DLG2: variants seen among roughly 807,000 people sequenced by gnomAD.
DLG2 encodes the protein discs large MAGUK scaffold protein 2.
In DLG2, 45 loss-of-function variants were observed where a neutral mutation model predicts 132.5. That is an observed-to-expected ratio of 0.34 (90% CI 0.27 to 0.44). DLG2 has a LOEUF of 0.44. Among genes scored for constraint, DLG2 ranks in the 20% least tolerant of loss-of-function variants. DLG2 has a pLI of 1.00. For synonymous variants in DLG2, 424 were observed against 419.6 expected, an observed-to-expected ratio of 1.01 and a Z score of -0.13; for missense variants, 1,045 against 1,196.9, an observed-to-expected ratio of 0.87 and a Z score of 1.87.
chr11:84,556,254 T>C lies in DLG2; in HGVS notation c.358-21523A>G, dbSNP rs145369310. Among the ~76,000 whole-genome samples, 195 of 152,266 alleles carry C rather than the reference T, an allele frequency of 1.3e-3. 1 individual carries two copies. Among genetic ancestry groups the C allele is most frequent in the African/African-American group, 4.3e-3 (178 of 41,568 alleles). ...TAAGCAACCATATCCAGCTTTGAGA[T>C]TGGGGCCTAGTGGACAGTGGGTATA... On this transcript the variant is annotated intron_variant, in intron 6 of 27. Coordinates refer to ENST00000376104, the MANE Select transcript of DLG2 (RefSeq NM_001142699.3).
intron 9 of DLG2, among the ~76,000 whole-genome samples, chr11:84,104,724 TTTAA>T (rs1247537569): frequency 5.3e-5 from 8 of 152,028 alleles, no homozygotes; most frequent in African/African-American, 1.9e-4. Context: ...AATTACTAAC[TTTAA>T]TTAATAATAG....
At chr11:85,077,216 A>T (rs1408496785) in intron 6 of DLG2, among the ~76,000 whole-genome samples, 1 of 152,038 alleles carries the variant, frequency 6.6e-6, no homozygotes, top group Non-Finnish European at 1.5e-5. Context: ...CATAAAAATG[A>T]TATGAAAAAA....
intron 7 of DLG2, among the ~76,000 whole-genome samples, chr11:84,530,999 C>T (rs1294050231): frequency 1.3e-5 from 2 of 152,034 alleles, no homozygotes; most frequent in African/African-American, 4.8e-5. Flanking sequence ...ATCTGTAGTC[C>T]CAGCTACTCA....
intron 16 of DLG2, among the ~76,000 whole-genome samples, chr11:83,854,698 T>G (rs2060248096): frequency 6.6e-6 from 1 of 152,132 alleles, no homozygotes; most frequent in South Asian, 2.1e-4. Flanking sequence ...AGATGACTGT[T>G]TGGATACAAC....
At chr11:85,107,881 C>T (rs1351395679) in intron 6 of DLG2, among the ~76,000 whole-genome samples, 1 of 127,324 alleles carries the variant, frequency 7.9e-6, no homozygotes, top group East Asian at 2.7e-4. Flanking sequence ...CTTTTCTGCT[C>T]AAACCCCAAT....
In DLG2 at chr11:84,731,656, G is replaced by C. The variant is rs192807714; in HGVS notation, c.358-196925C>G. Among the ~76,000 whole-genome samples the C allele has an allele frequency of 3.9e-5, 6 of 152,082 alleles. No individual in the cohort carries two copies. The East Asian group carries it at 9.7e-4, about 25-fold the overall frequency. ...CAGAAAATAAGGGGAAATATCAAGTGAACAGAGGCTGAAGAAGACAGTAGA... is the reference window on the plus strand; with the variant it reads ...CAGAAAATAAGGGGAAATATCAAGTCAACAGAGGCTGAAGAAGACAGTAGA... On this transcript the variant is annotated intron_variant, in intron 6 of 27. Coordinates refer to ENST00000376104, the MANE Select transcript of DLG2 (RefSeq NM_001142699.3).
chr11:85,448,096 T>G (rs188855284), intron 3 of DLG2, among the ~76,000 whole-genome samples: 7 of 152,278 alleles, frequency 4.6e-5, no homozygotes, highest in Non-Finnish European at 8.8e-5. Context: ...AAACTCATAG[T>G]TTGACTCAAA....
chr11:83,509,390 A>C (rs1439713552), intron 21 of DLG2, among the ~76,000 whole-genome samples: 1 of 152,216 alleles, frequency 6.6e-6, no homozygotes, highest in Non-Finnish European at 1.5e-5. Context: ...AGAAAACAGG[A>C]AAGTCCTAAC....
chr11:84,405,308 G>A (rs960810619), intron 7 of DLG2, among the ~76,000 whole-genome samples: 13 of 152,026 alleles, frequency 8.6e-5, no homozygotes, highest in African/African-American at 3.1e-4. Context: ...TTTCCTCAAT[G>A]TCAATGAGCC....
rs1012765222 is a variant in DLG2, at chr11:85,218,635, A to G, written c.187-63984T>C. Reference sequence around the variant, plus strand: ...ATTGTTGAGAATGTAAATTAGTCCAACCATTGTGGGAAATTGTCTGAAGAT... The same window carrying G: ...ATTGTTGAGAATGTAAATTAGTCCAGCCATTGTGGGAAATTGTCTGAAGAT... On this transcript the variant is annotated intron_variant, in intron 4 of 27. Transcript: ENST00000376104. Among the ~76,000 whole-genome samples, 17 of 152,262 alleles carry G rather than the reference A, an allele frequency of 1.1e-4. No individual in the cohort carries two copies. The East Asian group carries it at 3.1e-3, about 28-fold the overall frequency.
chr11:84,904,632 G>A (rs146778513), intron 6 of DLG2, among the ~76,000 whole-genome samples: 93 of 152,154 alleles, frequency 6.1e-4, no homozygotes, highest in African/African-American at 2.0e-3. Context: ...AACTATTTCC[G>A]TCATTTAGTT....
chr11:83,497,015 T>G (rs1591848085), intron 21 of DLG2, among the ~76,000 whole-genome samples: 2 of 152,198 alleles, frequency 1.3e-5, no homozygotes, highest in Non-Finnish European at 2.9e-5. Context: ...TTTATATATT[T>G]CTCTCCTATC....
intron 3 of DLG2, among the ~76,000 whole-genome samples, chr11:85,460,018 C>T (rs2092554507): frequency 6.6e-6 from 1 of 152,170 alleles, no homozygotes; most frequent in African/African-American, 2.4e-5. Flanking sequence ...TGACAGACGA[C>T]AAAGGTAACC....
At chr11:84,986,682 G>A (rs2056527018) in intron 6 of DLG2, among the ~76,000 whole-genome samples, 1 of 152,264 alleles carries the variant, frequency 6.6e-6, no homozygotes, top group African/African-American at 2.4e-5. Flanking sequence ...CTCAATAGAT[G>A]CGGAAAAAGC....
chr11:84,352,599 G>C (rs1299295822), intron 7 of DLG2, among the ~76,000 whole-genome samples: 1 of 152,160 alleles, frequency 6.6e-6, no homozygotes, highest in Non-Finnish European at 1.5e-5. Flanking sequence ...AAGTGAAGGA[G>C]CTGCCATTTT....
chr11:85,046,868 C>T (rs1238102216), intron 6 of DLG2, among the ~76,000 whole-genome samples: 2 of 151,784 alleles, frequency 1.3e-5, no homozygotes, highest in African/African-American at 4.8e-5. Flanking sequence ...ACGTCATCTC[C>T]TTTTCTTGAA....
intron 3 of DLG2, among the ~76,000 whole-genome samples, chr11:85,369,426 T>C (rs1450248153): frequency 6.6e-6 from 1 of 152,190 alleles, no homozygotes; most frequent in Non-Finnish European, 1.5e-5. Flanking sequence ...AACTGTTTTT[T>C]TTTTCTTCCC....
chr11:85,079,658 G>T (rs955452205), intron 6 of DLG2, among the ~76,000 whole-genome samples: 2 of 152,062 alleles, frequency 1.3e-5, no homozygotes, highest in African/African-American at 4.8e-5. Flanking sequence ...GTGACTTTGA[G>T]CCAAAAGACC....
At chr11:84,057,957 G>A (rs1196148008) in intron 11 of DLG2, among the ~76,000 whole-genome samples, 1 of 152,130 alleles carries the variant, frequency 6.6e-6, no homozygotes, top group Non-Finnish European at 1.5e-5. Context: ...CCATGTGCCA[G>A]CTATTGGCTA....
Sources: allele counts gnomAD v4.1 joint callset (sites outside exome capture counted in the v4.1 genomes callset), GRCh38; gene constraint gnomAD v4.1.1; transcripts MANE v1.5; gene names NCBI Gene and HGNC (gene_info 2026-07-23, HGNC 2026-07-21).